OSCP1: variants seen among roughly 807,000 people sequenced by gnomAD.
The protein encoded by OSCP1 is organic solute carrier partner 1, also known as protein OSCP1.
OSCP1 carries 35 observed loss-of-function variants against 45.1 expected under a neutral mutation model. The ratio of observed to expected loss-of-function variants is 0.78; its 90% confidence interval spans 0.59 to 1.03. OSCP1 has a LOEUF of 1.03. Ranked by LOEUF, OSCP1 falls within the 50% of genes least tolerant of loss-of-function variation. The probability of loss-of-function intolerance (pLI) is 0.00; values close to 1 mark genes in which losing one functional copy is unlikely to be tolerated. For synonymous variants in OSCP1, 179 were observed against 180.1 expected (o/e 0.99, Z 0.05); for missense variants, 400 against 470.7 (o/e 0.85, Z 1.39).
chr1:36,432,941 C>T (rs1648471224), intron 2 of OSCP1, among the ~76,000 whole-genome samples: 1 of 152,214 alleles, frequency 6.6e-6, no homozygotes, highest in Non-Finnish European at 1.5e-5. Context: ...TTTAAGTACT[C>T]CTTTCCTCCT....
Position 36,432,491 on chromosome 1 carries a change from G to T in OSCP1, c.366C>A (p.Ile122=), listed in dbSNP as rs774166659. ...TTGGGGAGTCTCGGATGAATCCCTT[G>T]ATGGTATCCAAGTGATTGAAAGTGA... is the stretch of plus-strand genomic sequence containing the variant. ...LLVTFNHLDT[I]KGFIRDSPTI... Residue 122 remains isoleucine (I), a synonymous_variant, in exon 3 of 10, where the codon ATC becomes ATA. Coordinates refer to ENST00000235532, the MANE Select transcript of OSCP1 (RefSeq NM_145047.5). 1 of 1,614,128 alleles carries T rather than the reference G, an allele frequency of 6.2e-7. No homozygotes were observed. Among genetic ancestry groups the T allele is most frequent in the Non-Finnish European group, 8.5e-7 (1 of 1,179,998 alleles).
At chr1:36,419,637 C>T (rs768549142) in intron 8 of OSCP1, among the ~76,000 whole-genome samples, 3 of 152,092 alleles carry the variant, frequency 2.0e-5, no homozygotes, top group African/African-American at 2.4e-5. Flanking sequence ...TATAAATCAC[C>T]GTGGGTGATT....
At position 36,447,597 on chromosome 1, in the gene OSCP1, T is replaced by G. The variant is rs1649625659; in HGVS notation, c.112+2661A>C. On this transcript the variant is annotated intron_variant, in intron 1 of 9. Transcript: ENST00000235532. The surrounding 1 kb of genome is among the most constrained non-coding windows in gnomAD (Gnocchi z 4.1). ...GCCTTGGGCTCAAATCCTTTACTTT[T>G]CCTCCTACCAGCCATGTAACTCTGG... Among the ~76,000 whole-genome samples the G allele has an allele frequency of 6.6e-6, 1 of 152,206 alleles. No individual in the cohort carries two copies. Among genetic ancestry groups the G allele is most frequent in the Non-Finnish European group, 1.5e-5 (1 of 68,036 alleles).
intron 1 of OSCP1, among the ~76,000 whole-genome samples, chr1:36,445,237 C>T (rs1164345845): frequency 6.6e-6 from 1 of 152,170 alleles, no homozygotes; most frequent in Admixed American, 6.5e-5. Context: ...ATAGTCTCAG[C>T]TACTTGGGAG....
Position 36,447,077 on chromosome 1 carries a change from C to T in OSCP1, c.112+3181G>A, listed in dbSNP as rs1649589022. On this transcript the variant is annotated intron_variant, in intron 1 of 9. Coordinates refer to ENST00000235532, the MANE Select transcript of OSCP1 (RefSeq NM_145047.5). The surrounding 1 kb of genome is among the most constrained non-coding windows in gnomAD (Gnocchi z 4.1). The stretch of plus-strand genomic sequence containing the variant: ...AATTAGTCGTATAAGATAATGAAAA[C>T]ATCTAGAAGAAATATGATTTCCACT... Among the ~76,000 whole-genome samples the T allele has an allele frequency of 6.6e-6, 1 of 152,134 alleles. No individual in the cohort carries two copies. Among genetic ancestry groups the T allele is most frequent in the African/African-American group, 2.4e-5 (1 of 41,410 alleles).
At chr1:36,437,869 A>G (rs989078675) in intron 2 of OSCP1, among the ~76,000 whole-genome samples, 2 of 152,110 alleles carry the variant, frequency 1.3e-5, no homozygotes, top group African/African-American at 4.8e-5. Context: ...GTTCATAAAT[A>G]TGGGCATGAA....
In OSCP1 at chr1:36,417,946, G is replaced by A. The variant is rs1647372457; in HGVS notation, c.*193C>T. On this transcript the variant is annotated 3_prime_UTR_variant, in exon 10 of 10. Transcript: ENST00000235532. ...AGAATATATTTCACTGAAAATATGT[G>A]TATGTGTGTGCCTTCAAGAGTGAGT... The A allele has an allele frequency of 5.7e-6, 3 of 528,938 alleles. No homozygotes were observed. The highest frequency in any genetic ancestry group is 1.9e-5 in the African/African-American group (1 of 51,774). 32.8% of individuals were successfully genotyped at this position (528,938 alleles called of 1,614,324 possible).
At chr1:36,444,163 C>G in intron 1 of OSCP1, 2 of 991,416 alleles carry the variant, frequency 2.0e-6, no homozygotes, top group Non-Finnish European at 3.1e-6. Flanking sequence ...CATTTAATGT[C>G]TAATGTGAGC....
intron 2 of OSCP1, among the ~76,000 whole-genome samples, chr1:36,437,749 C>T (rs933381806): frequency 2.0e-5 from 3 of 152,166 alleles, no homozygotes; most frequent in African/African-American, 7.2e-5. Flanking sequence ...GAACTCCTGA[C>T]ATCAAGTGAT....
intron 8 of OSCP1, 90 bp downstream of exon 8, chr1:36,420,386 A>T: frequency 7.1e-7 from 1 of 1,413,208 alleles, no homozygotes; most frequent in South Asian, 1.3e-5. Flanking sequence ...ACAAATATTT[A>T]TAAGTGCCAC....
intron 1 of OSCP1, among the ~76,000 whole-genome samples, chr1:36,443,193 A>C (rs759044313): frequency 1.2e-4 from 18 of 152,110 alleles, no homozygotes; most frequent in Non-Finnish European, 1.9e-4. Flanking sequence ...CGAACTCCTG[A>C]CCTCAAGTGA....
chr1:36,427,500 G>A (rs542624925), intron 4 of OSCP1, among the ~76,000 whole-genome samples: 20 of 151,652 alleles, frequency 1.3e-4, no homozygotes, highest in African/African-American at 4.8e-4. Flanking sequence ...TGTATTTTTA[G>A]TAGAGACGGG....
intron 7 of OSCP1, chr1:36,421,931 G>A (rs1557546558): frequency 1.0e-5 from 6 of 581,828 alleles, no homozygotes; most frequent in East Asian, 2.9e-5. Flanking sequence ...TATGGTGGCC[G>A]AGCCAAGCCT....
In OSCP1 at chr1:36,420,499, G is replaced by A. The variant is rs150459319; in HGVS notation, c.936C>T (p.Leu312=). 9.9e-6 allele frequency: 16 copies of A among 1,613,932 alleles called. No individual in the cohort carries two copies. The African/African-American group carries it at 1.9e-4, about 19-fold the overall frequency. ...SGPEPGFRLN[L]FTTDEEEEQA... ...ACTCCTCTTCTTCATCGGTGGTAAAGAGATTCAACCGGAATCCGGGCTCAG... is the reference window on the plus strand; with the variant it reads ...ACTCCTCTTCTTCATCGGTGGTAAAAAGATTCAACCGGAATCCGGGCTCAG... Residue 312 remains leucine (L), a synonymous_variant, in exon 8 of 10, where the codon CTC becomes CTT. Transcript: ENST00000235532.
Position 36,432,573 on chromosome 1 carries a change from G to T in OSCP1, c.284C>A (p.Thr95Asn), listed in dbSNP as rs202016130. The change falls in exon 3 of 10, where the codon ACC becomes AAC. Residue 95 changes from threonine to asparagine, a missense_variant. By Grantham distance (65) the Thr-to-Asn change is moderately conservative. Coordinates refer to ENST00000235532, the MANE Select transcript of OSCP1 (RefSeq NM_145047.5). ...ASMDKLYDLMTMAFKYQVLLC... is the reference protein window; with the variant it reads ...ASMDKLYDLMNMAFKYQVLLC... ...CAATACTTGATATTTGAAAGCCATG[G>T]TCATCAGGTCATAGAGCTGCCAACC... 2 of 1,614,150 alleles carry T rather than the reference G, an allele frequency of 1.2e-6. No individual in the cohort carries two copies. Among genetic ancestry groups the T allele is most frequent in the African/African-American group, 2.7e-5 (2 of 75,022 alleles).
chr1:36,435,081 TTTTC>T (rs1648624696), intron 2 of OSCP1, among the ~76,000 whole-genome samples: 2 of 147,320 alleles, frequency 1.4e-5, no homozygotes, highest in African/African-American at 2.5e-5. Flanking sequence ...TTTTCTTTTC[TTTTC>T]TTTTTCTTTT....
At position 36,450,324 on chromosome 1, in the gene OSCP1, C is replaced by A. The variant is rs766658594; in HGVS notation, c.46G>T (p.Glu16Ter). Residue 16 changes from glutamate to a stop codon, truncating the protein, a stop_gained, in exon 1 of 10, where the codon GAG (glutamate) becomes TAG (stop). Coordinates refer to ENST00000235532, the MANE Select transcript of OSCP1 (RefSeq NM_145047.5). LOFTEE classifies it high-confidence loss of function. ...CGTTGGTCGAGGATGTAAAGCATCT[C>A]CCCGCCCAAGTTCAAGAAGAGCAGC... ...LPLLFLNLGG[E>*]MLYILDQRLR... is the part of the protein sequence containing the mutation. 1 of 1,613,916 alleles carries A rather than the reference C, an allele frequency of 6.2e-7. No individual in the cohort carries two copies. Among genetic ancestry groups the A allele is most frequent in the East Asian group, 2.2e-5 (1 of 44,836 alleles).
chr1:36,425,497 G>A (rs969297771), intron 4 of OSCP1, among the ~76,000 whole-genome samples: 1 of 152,172 alleles, frequency 6.6e-6, no homozygotes, highest in Admixed American at 6.5e-5. Flanking sequence ...CACTTTGGGA[G>A]GCTGAGGCGG....
intron 2 of OSCP1, among the ~76,000 whole-genome samples, chr1:36,437,191 G>A (rs1244585765): frequency 2.0e-5 from 3 of 151,988 alleles, no homozygotes; most frequent in Non-Finnish European, 2.9e-5. Flanking sequence ...CTCCCTCCCT[G>A]AGGGCAGAGT....
Sources: gnomAD v4.1 joint callset for allele counts (sites outside exome capture counted in the v4.1 genomes callset) on GRCh38, gnomAD v4.1.1 for gene constraint, Gnocchi (gnomAD v3.1) non-coding constraint, MANE v1.5 for transcripts, NCBI Gene and HGNC (gene_info 2026-07-23, HGNC 2026-07-21) for gene names.